Variants in NCOR2 observed in about 807,000 individuals in gnomAD.
NCOR2 encodes nuclear receptor corepressor 2, also known as CTG repeat protein 26.
In NCOR2, 81 loss-of-function variants were observed where a neutral mutation model predicts 262.9. The observed-to-expected ratio is 0.31, with a 90% CI of 0.26 to 0.37. NCOR2 has a LOEUF of 0.37. Among genes scored for constraint, NCOR2 ranks in the 10% least tolerant of loss-of-function variants. The pLI, the probability that NCOR2 is intolerant of heterozygous loss-of-function variation, is 1.00. For synonymous variants in NCOR2, 1,659 were observed against 1,559.3 expected (o/e 1.06, Z -1.51); for missense variants, 3,385 against 3,621.4 (o/e 0.93, Z 1.68).
exon 36 of NCOR2, chr12:124,340,337 G>A (rs2036356508): frequency 1.2e-6 from 2 of 1,612,710 alleles, no homozygotes; most frequent in Non-Finnish European, 1.7e-6. Flanking sequence ...TGGTGGACGT[G>A]AGGATGGACT....
At chr12:124,380,408 C>T (rs1037444185) in intron 17 of NCOR2, among the ~76,000 whole-genome samples, 3 of 152,248 alleles carry the variant, frequency 2.0e-5, no homozygotes, top group Admixed American at 6.5e-5. Context: ...CACCAACAGT[C>T]GGCCAGAGGG....
intron 13 of NCOR2, among the ~76,000 whole-genome samples, chr12:124,409,332 T>G (rs1159784441): frequency 2.0e-5 from 3 of 152,192 alleles, no homozygotes; most frequent in African/African-American, 7.2e-5. Context: ...GGCCCGCATG[T>G]TCCTGCTTCA....
At chr12:124,462,000 G>A (rs915229603) in intron 5 of NCOR2, among the ~76,000 whole-genome samples, 3 of 152,036 alleles carry the variant, frequency 2.0e-5, no homozygotes, top group Non-Finnish European at 4.4e-5. Context: ...ACACATGCCC[G>A]CATACACACA....
chr12:124,467,634 C>G (rs564963764), intron 4 of NCOR2, among the ~76,000 whole-genome samples: 1 of 110,136 alleles, frequency 9.1e-6, no homozygotes, highest in South Asian at 3.8e-4. Flanking sequence ...TCTTCATCAT[C>G]TTCACCCCAT....
At chr12:124,412,235 C>T (rs940080760) in intron 13 of NCOR2, among the ~76,000 whole-genome samples, 12 of 152,252 alleles carry the variant, frequency 7.9e-5, no homozygotes, top group African/African-American at 1.4e-4. Flanking sequence ...GTTTCAGAAA[C>T]GTAACCATCG....
chr12:124,550,497 G>T (rs796334035), intron 1 of NCOR2, among the ~76,000 whole-genome samples: 10 of 152,276 alleles, frequency 6.6e-5, no homozygotes, highest in African/African-American at 2.2e-4. Flanking sequence ...CCACTGGCAG[G>T]GGGAGGATGG....
intron 1 of NCOR2, among the ~76,000 whole-genome samples, chr12:124,520,950 G>A (rs1182352607): frequency 6.6e-6 from 1 of 152,168 alleles, no homozygotes; most frequent in Non-Finnish European, 1.5e-5. Context: ...GGGCCAAAGG[G>A]GGTCTGGAAA....
intron 11 of NCOR2, among the ~76,000 whole-genome samples, chr12:124,424,455 G>A (rs1371274763): frequency 6.6e-6 from 1 of 152,144 alleles, no homozygotes; most frequent in Admixed American, 6.5e-5. Flanking sequence ...GGAACCAAGC[G>A]CTGTTTCCTG....
chr12:124,516,645 G>C (rs2049811879), intron 1 of NCOR2, among the ~76,000 whole-genome samples: 1 of 152,082 alleles, frequency 6.6e-6, no homozygotes, highest in South Asian at 2.1e-4. Context: ...TACCACTGTG[G>C]TAAAGGACAA....
At position 124,483,969 on chromosome 12, in the gene NCOR2, G is replaced by A. The variant is rs2047640528; in HGVS notation, c.234-196C>T. On this transcript the variant is annotated intron_variant, in intron 2 of 46. Transcript: ENST00000405201. The surrounding 1 kb of genome is among the most constrained non-coding windows in gnomAD (Gnocchi z 6.3). ...TCCAATGCAGCGCTGCCTTCCTTCAGGTCCACATTCACCGAGGACATTTAC... is the reference window on the plus strand; with the variant it reads ...TCCAATGCAGCGCTGCCTTCCTTCAAGTCCACATTCACCGAGGACATTTAC... 6.6e-6 allele frequency among the ~76,000 whole-genome samples: 1 copy of A among 152,142 alleles called. No individual in the cohort carries two copies. The highest frequency in any genetic ancestry group is 6.5e-5 in the Admixed American group (1 of 15,278).
chr12:124,559,017 G>A (rs1005181106), intron 1 of NCOR2, among the ~76,000 whole-genome samples: 5 of 152,154 alleles, frequency 3.3e-5, no homozygotes, highest in African/African-American at 7.2e-5. Flanking sequence ...GACAAGAGGC[G>A]GAGAGGGCCT....
intron 8 of NCOR2, among the ~76,000 whole-genome samples, chr12:124,434,967 G>A (rs2044247711): frequency 6.6e-6 from 1 of 152,186 alleles, no homozygotes; most frequent in African/African-American, 2.4e-5. Flanking sequence ...CATGTATTAA[G>A]AATAAATTCG....
At chr12:124,437,361 G>A (rs959521881) in intron 8 of NCOR2, among the ~76,000 whole-genome samples, 4 of 152,178 alleles carry the variant, frequency 2.6e-5, no homozygotes, top group South Asian at 2.1e-4. Context: ...CAGCCTCCCC[G>A]CCGTGGGCTG....
intron 31 of NCOR2, among the ~76,000 whole-genome samples, chr12:124,345,692 G>T (rs1260229515): frequency 6.6e-6 from 1 of 152,176 alleles, no homozygotes; most frequent in African/African-American, 2.4e-5. Flanking sequence ...TGCTTCCAAG[G>T]ACTCCATAAT....
Position 124,402,423 on chromosome 12 carries a change from C to T in NCOR2, c.1621G>A (p.Asp541Asn), listed in dbSNP as rs375316668. The change falls in exon 14 of 47, where the codon GAC becomes AAC. Residue 541 changes from aspartate (D) to asparagine (N), a missense_variant. Physicochemically the swap from Asp to Asn is conservative, Grantham distance 23 (BLOSUM62 1). Coordinates refer to ENST00000405201, the Ensembl canonical transcript of NCOR2. ...CCTTACTTGAGGAGGTCTTCCTTGTCGTTCTCCACCTCCGGCTTCTCCTCC... is the reference window on the plus strand; with the variant it reads ...CCTTACTTGAGGAGGTCTTCCTTGTTGTTCTCCACCTCCGGCTTCTCCTCC... 12 of 1,614,046 alleles carry T rather than the reference C, an allele frequency of 7.4e-6. No homozygotes were observed. Among genetic ancestry groups the T allele is most frequent in the African/African-American group, 5.3e-5 (4 of 74,918 alleles).
chr12:124,466,133 C>A, intron 5 of NCOR2, 40 bp downstream of exon 7: 2 of 1,567,610 alleles, frequency 1.3e-6, no homozygotes, highest in South Asian at 1.1e-5. Context: ...CGCCTCATGG[C>A]CAGCACCGGG....
At chr12:124,500,478 G>C (rs1197380524) in intron 1 of NCOR2, among the ~76,000 whole-genome samples, 3 of 152,224 alleles carry the variant, frequency 2.0e-5, no homozygotes, top group Non-Finnish European at 4.4e-5. Flanking sequence ...ACAGCGGAAA[G>C]CTCAGGCCGT....
At chr12:124,375,732 A>G (rs569982059) in intron 18 of NCOR2, among the ~76,000 whole-genome samples, 55 of 152,250 alleles carry the variant, frequency 3.6e-4, no homozygotes, top group African/African-American at 1.3e-3. Flanking sequence ...CAGTCTCCCC[A>G]TCTGTCAAAT....
intron 1 of NCOR2, among the ~76,000 whole-genome samples, chr12:124,558,273 C>G (rs1048567011): frequency 2.0e-5 from 3 of 151,236 alleles, no homozygotes; most frequent in East Asian, 3.9e-4. Flanking sequence ...CCCACCCCCC[C>G]TCCAGACCTG....
Sources: allele counts gnomAD v4.1 joint callset (sites outside exome capture counted in the v4.1 genomes callset), GRCh38; gene constraint gnomAD v4.1.1; non-coding constraint Gnocchi (gnomAD v3.1); transcripts MANE v1.5; gene names NCBI Gene and HGNC (gene_info 2026-07-23, HGNC 2026-07-21).